Variants in IL18RAP observed in about 807,000 individuals in gnomAD.
IL18RAP encodes interleukin 18 receptor accessory protein, also known as interleukin-18 receptor accessory protein.
In IL18RAP, 37 loss-of-function variants were observed where a neutral mutation model predicts 58.1. That is an observed-to-expected ratio of 0.64 (90% CI 0.49 to 0.84). IL18RAP has a LOEUF of 0.84. IL18RAP is among the 40% of genes least tolerant of loss of function. The pLI is 0.00. For synonymous variants in IL18RAP, 268 were observed against 257.5 expected, an observed-to-expected ratio of 1.04 and a Z score of -0.39; for missense variants, 667 against 704.8, an observed-to-expected ratio of 0.95 and a Z score of 0.61.
intron 3 of IL18RAP, among the ~76,000 whole-genome samples, chr2:102,431,747 C>A (rs6755905): frequency 0.54 from 81,321 of 151,766 alleles, 23,717 homozygotes; most frequent in African/African-American, 0.74. Flanking sequence ...AATACCCACA[C>A]TTCAGGGAGA....
chr2:102,447,934 A>T (rs907368844), intron 8 of IL18RAP, among the ~76,000 whole-genome samples: 1 of 152,034 alleles, frequency 6.6e-6, no homozygotes, highest in Admixed American at 6.5e-5. Context: ...GGGTTTCACC[A>T]TGTTGGCCAG....
Position 102,445,358 on chromosome 2 carries a change from C to G in IL18RAP, c.1072+18C>G. On this transcript the variant is annotated intron_variant, in intron 7 of 9. Transcript: ENST00000687160. ...GAGAGGAGGTAAGCCCAGAAGGTTG[C>G]CCAGGAGGCATGAAACTGCTTTCAC... 4 of 1,610,914 alleles carry G rather than the reference C, an allele frequency of 2.5e-6. No homozygotes were observed. The highest frequency in any genetic ancestry group is 3.4e-6 in the Non-Finnish European group (4 of 1,177,568).
At chr2:102,419,687 G>A (rs1177703130), upstream of IL18RAP, 7 of 152,290 alleles carry the variant, frequency 4.6e-5, no homozygotes, top group East Asian at 5.6e-4. Flanking sequence ...TTCTCCCAGC[G>A]CTGTTGGGCT....
chr2:102,436,340 C>A (rs1573283676), intron 3 of IL18RAP, among the ~76,000 whole-genome samples: 2 of 152,108 alleles, frequency 1.3e-5, no homozygotes, highest in Non-Finnish European at 2.9e-5. Flanking sequence ...GAATTTCCCC[C>A]TATGTTTTAA....
intron 7 of IL18RAP, among the ~76,000 whole-genome samples, chr2:102,446,024 C>T (rs1389678065): frequency 6.6e-6 from 1 of 152,126 alleles, no homozygotes; most frequent in Admixed American, 6.5e-5. Flanking sequence ...AGGGGGTTTT[C>T]CCCCATGGGA....
At chr2:102,436,027 A>C (rs1372071143) in intron 3 of IL18RAP, among the ~76,000 whole-genome samples, 1 of 152,074 alleles carries the variant, frequency 6.6e-6, no homozygotes, top group Non-Finnish European at 1.5e-5. Flanking sequence ...ATTAACTGTA[A>C]TTGTATTATT....
intron 3 of IL18RAP, among the ~76,000 whole-genome samples, chr2:102,430,299 T>C (rs1351925876): frequency 6.6e-6 from 1 of 152,054 alleles, no homozygotes; most frequent in Non-Finnish European, 1.5e-5. Flanking sequence ...CTCTTTATCA[T>C]TATACAATGA....
chr2:102,429,282 T>G (rs1252984881), intron 3 of IL18RAP, among the ~76,000 whole-genome samples: 1 of 152,000 alleles, frequency 6.6e-6, no homozygotes, highest in Non-Finnish European at 1.5e-5. Context: ...TTCTGTTTCT[T>G]TATGATCCAA....
At chr2:102,423,430 T>C (rs1245566634) in intron 1 of IL18RAP, 83 bp downstream of exon 1, 9 of 1,135,584 alleles carry the variant, frequency 7.9e-6, no homozygotes, top group Non-Finnish European at 1.1e-5. Context: ...ATCAGCAGTG[T>C]GATATATTAA....
At chr2:102,450,775 A>G in intron 8 of IL18RAP, 73 bp from the exon 9 acceptor site, 1 of 812,576 alleles carries the variant, frequency 1.2e-6, no homozygotes, top group Non-Finnish European at 1.9e-6. Flanking sequence ...TGATTCAAGC[A>G]TATGTATGTG....
At chr2:102,426,887 A>G (rs574167684) in intron 3 of IL18RAP, among the ~76,000 whole-genome samples, 71 of 152,148 alleles carry the variant, frequency 4.7e-4, no homozygotes, top group African/African-American at 1.6e-3. Context: ...GTACTCTTTG[A>G]CCAGTATCTC....
intron 6 of IL18RAP, among the ~76,000 whole-genome samples, chr2:102,444,952 G>C (rs1683323367): frequency 6.6e-6 from 1 of 152,184 alleles, no homozygotes; most frequent in Admixed American, 6.5e-5. Flanking sequence ...TTAAGAGTAA[G>C]GAAGGTCAGA....
In IL18RAP at chr2:102,441,332, C is replaced by A; in HGVS notation, c.751C>A (p.Pro251Thr). 6.2e-7 allele frequency: 1 copy of A among 1,613,330 alleles called. No homozygotes were observed. Among genetic ancestry groups the A allele is most frequent in the Non-Finnish European group, 8.5e-7 (1 of 1,179,414 alleles). ...RTIVGDTKLKPDILDPVEDTL... is the reference protein window; with the variant it reads ...RTIVGDTKLKTDILDPVEDTL... The stretch of plus-strand genomic sequence containing the variant: ...TTCAGTGGGAGACACTAAACTCAAA[C>A]CAGATATTCTGGATCCTGTCGAGGA... The change falls in exon 5 of 10, where the codon CCA becomes ACA. Residue 251 changes from proline to threonine, a missense_variant. Physicochemically the swap from Pro to Thr is conservative, Grantham distance 38. Coordinates refer to ENST00000687160, the MANE Select transcript of IL18RAP (RefSeq NM_001393487.1).
chr2:102,431,072 T>C (rs62154970), intron 3 of IL18RAP, among the ~76,000 whole-genome samples: 9,382 of 152,258 alleles, frequency 0.062, 434 homozygotes, highest in Non-Finnish European at 0.088. Context: ...GGCATTCATT[T>C]CAGTTTAAAT....
chr2:102,423,770 T>C, intron 1 of IL18RAP, 41 bp from the exon 2 acceptor site: 2 of 1,367,252 alleles, frequency 1.5e-6, no homozygotes, highest in South Asian at 2.4e-5. Flanking sequence ...AATTCCATTT[T>C]CTAATGTGTT....
chr2:102,445,395 G>C, intron 7 of IL18RAP, 55 bp downstream of exon 7: 8 of 1,542,366 alleles, frequency 5.2e-6, no homozygotes, highest in Non-Finnish European at 6.2e-6. Context: ...TGAGAGGGGA[G>C]GAGTTTTCCT....
At chr2:102,422,944 A>G (rs543349767), upstream of IL18RAP, among the ~76,000 whole-genome samples, 2 of 152,276 alleles carry the variant, frequency 1.3e-5, no homozygotes, top group Non-Finnish European at 1.5e-5. Context: ...TAATGAGGGG[A>G]AAAATGGCAT....
chr2:102,422,031 A>G (rs894914523), upstream of IL18RAP, among the ~76,000 whole-genome samples: 1 of 151,456 alleles, frequency 6.6e-6, no homozygotes, highest in Non-Finnish European at 1.5e-5. Flanking sequence ...ATGAGCAAAC[A>G]CTTCCTCCTG....
Position 102,451,887 on chromosome 2 carries a change from G to A in IL18RAP, c.1506G>A (p.Leu502=). 1 of 1,614,084 alleles carries A rather than the reference G, an allele frequency of 6.2e-7. No individual in the cohort carries two copies. The highest frequency in any genetic ancestry group is 8.5e-7 in the Non-Finnish European group (1 of 1,180,000). The change falls in exon 10 of 10, where the codon TTG becomes TTA. Residue 502 remains leucine (L), a synonymous_variant. Coordinates refer to ENST00000687160, the MANE Select transcript of IL18RAP (RefSeq NM_001393487.1). ...FELQAAVNLA[L]DDQTLKLILI... ...TACAAGCAGCAGTGAATCTTGCCTTGGATGATCAAACACTGAAACTCATTT... is the reference window on the plus strand; with the variant it reads ...TACAAGCAGCAGTGAATCTTGCCTTAGATGATCAAACACTGAAACTCATTT...
Sources: allele counts gnomAD v4.1 joint callset (sites outside exome capture counted in the v4.1 genomes callset), GRCh38; gene constraint gnomAD v4.1.1; transcripts MANE v1.5; gene names NCBI Gene and HGNC (gene_info 2026-07-23, HGNC 2026-07-21).